Variants in OR4C16 observed in about 807,000 individuals in gnomAD.
OR4C16 encodes the protein olfactory receptor 4C16.
In OR4C16, 24 loss-of-function variants were observed where a neutral mutation model predicts 14.4. The observed-to-expected ratio is 1.66, with a 90% CI of 1.21 to 2.34. The LOEUF (loss-of-function observed/expected upper bound fraction) is 2.34, where lower values mean the gene tolerates loss of function less well. Among genes scored for constraint, OR4C16 ranks in the 30% most tolerant of loss-of-function variants. The probability of loss-of-function intolerance (pLI) is 0.00; values close to 1 mark genes in which losing one functional copy is unlikely to be tolerated. For missense variants in OR4C16, 674 were observed against 364.2 expected, an observed-to-expected ratio of 1.85 and a Z score of -6.92; for synonymous variants, 233 against 133.5, an observed-to-expected ratio of 1.75 and a Z score of -5.14.
chr11:55,572,659 G>T lies in OR4C16; in HGVS notation c.532G>T (p.Asp178Tyr). 2 of 1,614,136 alleles carry T rather than the reference G, an allele frequency of 1.2e-6. No homozygotes were observed. The highest frequency in any genetic ancestry group is 1.7e-6 in the Non-Finnish European group (2 of 1,180,012). ...CAATGTGATCAATCACTGTTTCTGT[G>T]ACTTGCAGCCCTTGTTGAAACAAGC... ...GPNVINHCFC[D>Y]LQPLLKQACS... is the part of the protein sequence containing the mutation. Residue 178 changes from aspartate to tyrosine, a missense_variant, in exon 1 of 1, where the codon GAC becomes TAC. Coordinates refer to ENST00000623907, the MANE Select transcript of OR4C16 (RefSeq NM_001004701.2).
At position 55,572,802 on chromosome 11, in the gene OR4C16, CCA is replaced by C; in HGVS notation, c.678_679del (p.His226GlnfsTer3). 1 of 1,614,094 alleles carries C rather than the reference CCA, an allele frequency of 6.2e-7. No individual in the cohort carries two copies. The highest frequency in any genetic ancestry group is 8.5e-7 in the Non-Finnish European group (1 of 1,179,958). ...TCATCTTCTTGCATTCTCTGAGAAA[CCA>C]CAGTGCTGAAGTGATAAAGAAAGCA... is the stretch of plus-strand genomic sequence containing the variant. ...YVIFLHSLRN[H>X]SAEVIKKALS... On this transcript the variant is annotated frameshift_variant, in exon 1 of 1. Transcript: ENST00000623907. LOFTEE classifies it high-confidence loss of function.
chr11:55,572,496 C>T lies in OR4C16; in HGVS notation c.369C>T (p.Asp123=), dbSNP rs765673419. 6.2e-7 allele frequency: 1 copy of T among 1,613,962 alleles called. No homozygotes were observed. The highest frequency in any genetic ancestry group is 2.2e-5 in the East Asian group (1 of 44,874). The part of the protein sequence containing the change: ...LILTAVDRYV[D]ICKPLHYMTI... ...TCACGGCTGTTGACCGCTATGTGGA[C>T]ATCTGTAAGCCCCTGCACTACATGA... The change falls in exon 1 of 1, where the codon GAC becomes GAT. Residue 123 remains aspartate, a synonymous_variant. Coordinates refer to ENST00000623907, the MANE Select transcript of OR4C16 (RefSeq NM_001004701.2).
Position 55,572,889 on chromosome 11 carries a change from T to G in OR4C16, c.762T>G (p.Phe254Leu). The change falls in exon 1 of 1, where the codon TTT becomes TTG. Residue 254 changes from phenylalanine (F) to leucine (L), a missense_variant. Coordinates refer to ENST00000623907, the MANE Select transcript of OR4C16 (RefSeq NM_001004701.2). ...TCTTGTTCTTTGGACCTTGCATATTTATGTACACATGCCTTGCAACCGTAT... is the reference window on the plus strand; with the variant it reads ...TCTTGTTCTTTGGACCTTGCATATTGATGTACACATGCCTTGCAACCGTAT... ...VVILFFGPCI[F>L]MYTCLATVFP... The G allele has an allele frequency of 1.9e-6, 3 of 1,613,988 alleles. No individual in the cohort carries two copies. The highest frequency in any genetic ancestry group is 2.5e-6 in the Non-Finnish European group (3 of 1,179,910).
chr11:55,572,506 C>A lies in OR4C16; in HGVS notation c.379C>A (p.Pro127Thr), dbSNP rs141407274. ...AVDRYVDICK[P>T]LHYMTIISQW... ...TGACCGCTATGTGGACATCTGTAAG[C>A]CCCTGCACTACATGACCATCATAAG... Residue 127 changes from proline (P) to threonine (T), a missense_variant, in exon 1 of 1, where the codon CCC (proline) becomes ACC (threonine). Transcript: ENST00000623907. 1.2e-6 allele frequency: 2 copies of A among 1,614,032 alleles called. No homozygotes were observed. The highest frequency in any genetic ancestry group is 2.7e-5 in the African/African-American group (2 of 75,028).
In OR4C16 at chr11:55,572,585, A is replaced by G. The variant is rs1384431473; in HGVS notation, c.458A>G (p.His153Arg). 1.2e-6 allele frequency: 2 copies of G among 1,613,908 alleles called. No homozygotes were observed. Among genetic ancestry groups the G allele is most frequent in the African/African-American group, 1.3e-5 (1 of 74,870 alleles). The part of the protein sequence containing the change: ...MAVAWVGSCV[H>R]SLVQIFLALS... ...GTGGCCTGGGTGGGATCCTGTGTGC[A>G]TTCTTTAGTTCAGATTTTTCTTGCC... is the stretch of plus-strand genomic sequence containing the variant. Residue 153 changes from histidine (H) to arginine (R), a missense_variant, in exon 1 of 1, where the codon CAT (histidine) becomes CGT (arginine). Physicochemically the swap from His to Arg is conservative, Grantham distance 29 (BLOSUM62 0). Transcript: ENST00000623907.
At position 55,572,878 on chromosome 11, in the gene OR4C16, C is replaced by A. The variant is rs1469131294; in HGVS notation, c.751C>A (p.Pro251Thr). ...CATTGTGGTCATCTTGTTCTTTGGACCTTGCATATTTATGTACACATGCCT... is the reference window on the plus strand; with the variant it reads ...CATTGTGGTCATCTTGTTCTTTGGAACTTGCATATTTATGTACACATGCCT... ...HIIVVILFFG[P>T]CIFMYTCLAT... Residue 251 changes from proline to threonine, a missense_variant, in exon 1 of 1, where the codon CCT becomes ACT. Pro to Thr is a conservative substitution (Grantham distance 38). Coordinates refer to ENST00000623907, the MANE Select transcript of OR4C16 (RefSeq NM_001004701.2). The A allele has an allele frequency of 3.7e-6, 6 of 1,613,836 alleles. No homozygotes were observed. Among genetic ancestry groups the A allele is most frequent in the Middle Eastern group, 3.3e-4 (2 of 6,060 alleles).
rs770968498 is a variant in OR4C16 at position 55,572,540 on chromosome 11, T to A, written c.413T>A (p.Val138Asp). ...TACATGACCATCATAAGCCAGTGGG[T>A]CTGTGGTGTTTTGATGGCTGTGGCC... is the stretch of plus-strand genomic sequence containing the variant. ...LHYMTIISQW[V>D]CGVLMAVAWV... Residue 138 changes from valine to aspartate, a missense_variant, in exon 1 of 1, where the codon GTC becomes GAC. Transcript: ENST00000623907. The A allele has an allele frequency of 1.9e-6, 3 of 1,613,886 alleles. No individual in the cohort carries two copies. In the Admixed American group the frequency reaches 5.0e-5, roughly 27 times the overall value.
Position 55,572,881 on chromosome 11 carries a change from T to A in OR4C16, c.754T>A (p.Cys252Ser). 1 of 1,613,938 alleles carries A rather than the reference T, an allele frequency of 6.2e-7. No individual in the cohort carries two copies. The highest frequency in any genetic ancestry group is 2.2e-5 in the East Asian group (1 of 44,876). Residue 252 changes from cysteine to serine, a missense_variant, in exon 1 of 1, where the codon TGC becomes AGC. Coordinates refer to ENST00000623907, the MANE Select transcript of OR4C16 (RefSeq NM_001004701.2). ...IIVVILFFGPCIFMYTCLATV... is the reference protein window; with the variant it reads ...IIVVILFFGPSIFMYTCLATV... ...TGTGGTCATCTTGTTCTTTGGACCT[T>A]GCATATTTATGTACACATGCCTTGC...
chr11:55,573,044 C>T lies in OR4C16; in HGVS notation c.917C>T (p.Thr306Ile). Residue 306 changes from threonine to isoleucine, a missense_variant, in exon 1 of 1, where the codon ACA becomes ATA. By Grantham distance (89) the Thr-to-Ile change is moderately conservative. Transcript: ENST00000623907. ...MRKLWSKKLITDDKR is the reference protein window; with the variant it reads ...MRKLWSKKLIIDDKR The stretch of plus-strand genomic sequence containing the variant: ...AAGCTTTGGAGCAAGAAATTGATCA[C>T]AGATGACAAAAGATAAATGAAGGTT... 6.4e-7 allele frequency: 1 copy of T among 1,551,578 alleles called. No individual in the cohort carries two copies. The highest frequency in any genetic ancestry group is 8.7e-7 in the Non-Finnish European group (1 of 1,147,848).
chr11:55,572,696 C>T lies in OR4C16; in HGVS notation c.569C>T (p.Thr190Ile). 1.2e-6 allele frequency: 2 copies of T among 1,613,800 alleles called. No individual in the cohort carries two copies. The highest frequency in any genetic ancestry group is 1.1e-5 in the South Asian group (1 of 91,040). The change falls in exon 1 of 1, where the codon ACC becomes ATC. Residue 190 changes from threonine (T) to isoleucine (I), a missense_variant. By Grantham distance (89) the Thr-to-Ile change is moderately conservative (BLOSUM62 -1). Coordinates refer to ENST00000623907, the MANE Select transcript of OR4C16 (RefSeq NM_001004701.2). ...QPLLKQACSE[T>I]YVVNLLLVSN... ...TTGTTGAAACAAGCCTGTTCAGAAA[C>T]CTATGTGGTTAACCTACTCCTGGTT...
Position 55,572,409 on chromosome 11 carries a change from G to A in OR4C16, c.282G>A (p.Glu94=), listed in dbSNP as rs778904564. Reference sequence around the variant, plus strand: ...AGAAGACAACTATCTCCTTCAGCGAGTGCATGATCCAAGTCTTTTCATCCC... The same window carrying A: ...AGAAGACAACTATCTCCTTCAGCGAATGCATGATCCAAGTCTTTTCATCCC... ...LLKKTTISFS[E]CMIQVFSSHV... The change falls in exon 1 of 1, where the codon GAG becomes GAA. Residue 94 remains glutamate (E), a synonymous_variant. Transcript: ENST00000623907. 6.2e-7 allele frequency: 1 copy of A among 1,613,902 alleles called. No individual in the cohort carries two copies. The highest frequency in any genetic ancestry group is 8.5e-7 in the Non-Finnish European group (1 of 1,180,022).
chr11:55,572,357 C>T lies in OR4C16; in HGVS notation c.230C>T (p.Pro77Leu). ...ACTTGCCTCTCTACTTCCATAACCC[C>T]TAGAATGATTGTGGATGCCCTTTTG... ...SDTCLSTSIT[P>L]RMIVDALLKK... The change falls in exon 1 of 1, where the codon CCT (proline) becomes CTT (leucine). Residue 77 changes from proline (P) to leucine (L), a missense_variant. Coordinates refer to ENST00000623907, the MANE Select transcript of OR4C16 (RefSeq NM_001004701.2). 3.7e-6 allele frequency: 6 copies of T among 1,613,556 alleles called. No individual in the cohort carries two copies. Among genetic ancestry groups the T allele is most frequent in the Non-Finnish European group, 5.1e-6 (6 of 1,179,516 alleles).
Position 55,572,199 on chromosome 11 carries a change from A to T in OR4C16, c.72A>T (p.Ile24=). 6.2e-7 allele frequency: 1 copy of T among 1,611,654 alleles called. No homozygotes were observed. The highest frequency in any genetic ancestry group is 1.3e-5 in the African/African-American group (1 of 74,888). Residue 24 remains isoleucine (I), a synonymous_variant, in exon 1 of 1, where the codon ATA becomes ATT. Transcript: ENST00000623907. The part of the protein sequence containing the change: ...GLTQDPFWKK[I]VFVIFLRLYL... Reference sequence around the variant, plus strand: ...CACAGGATCCTTTTTGGAAGAAAATAGTGTTTGTTATTTTTTTGCGTCTCT... The same window carrying T: ...CACAGGATCCTTTTTGGAAGAAAATTGTGTTTGTTATTTTTTTGCGTCTCT...
Position 55,572,512 on chromosome 11 carries a change from C to T in OR4C16, c.385C>T (p.His129Tyr), listed in dbSNP as rs1198860166. The change falls in exon 1 of 1, where the codon CAC becomes TAC. Residue 129 changes from histidine (H) to tyrosine (Y), a missense_variant. Physicochemically the swap from His to Tyr is moderately conservative, Grantham distance 83 (BLOSUM62 2). Transcript: ENST00000623907. ...DRYVDICKPL[H>Y]YMTIISQWVC... ...CTATGTGGACATCTGTAAGCCCCTG[C>T]ACTACATGACCATCATAAGCCAGTG... The T allele has an allele frequency of 2.5e-6, 4 of 1,614,030 alleles. No individual in the cohort carries two copies. The East Asian group carries it at 8.9e-5, about 36-fold the overall frequency.
Position 55,572,633 on chromosome 11 carries a change from C to T in OR4C16, c.506C>T (p.Pro169Leu). The T allele has an allele frequency of 1.2e-6, 2 of 1,614,098 alleles. No individual in the cohort carries two copies. Among genetic ancestry groups the T allele is most frequent in the Non-Finnish European group, 8.5e-7 (1 of 1,180,022 alleles). ...GCCCTGAGTTTGCCATTCTGTGGCC[C>T]CAATGTGATCAATCACTGTTTCTGT... ...FLALSLPFCG[P>L]NVINHCFCDL... Residue 169 changes from proline (P) to leucine (L), a missense_variant, in exon 1 of 1, where the codon CCC becomes CTC. Physicochemically the swap from Pro to Leu is moderately conservative, Grantham distance 98 (BLOSUM62 -3). Transcript: ENST00000623907.
Position 55,572,209 on chromosome 11 carries a change from AT to A in OR4C16, c.89del (p.Leu30CysfsTer13), listed in dbSNP as rs752324980. 6.2e-6 allele frequency: 10 copies of A among 1,610,698 alleles called. No individual in the cohort carries two copies. Among genetic ancestry groups the A allele is most frequent in the African/African-American group, 2.7e-5 (2 of 74,792 alleles). On this transcript the variant is annotated frameshift_variant, in exon 1 of 1. Transcript: ENST00000623907. LOFTEE classifies it high-confidence loss of function. ...DPFWKKIVFV[I>X]FLRLYLGTLL... ...TTTTTGGAAGAAAATAGTGTTTGTTATTTTTTTGCGTCTCTACTTGGGAACA... is the reference window on the plus strand; with the variant it reads ...TTTTTGGAAGAAAATAGTGTTTGTTATTTTTTGCGTCTCTACTTGGGAACA...
chr11:55,572,260 A>G lies in OR4C16; in HGVS notation c.133A>G (p.Ile45Val). The change falls in exon 1 of 1, where the codon ATT becomes GTT. Residue 45 changes from isoleucine to valine, a missense_variant. Transcript: ENST00000623907. The part of the protein sequence containing the change: ...GTLLGNLLII[I>V]SVKTSQALKN... ...ACTGTTGGGTAATTTGCTAATCATTATTAGTGTCAAGACCAGCCAGGCACT... is the reference window on the plus strand; with the variant it reads ...ACTGTTGGGTAATTTGCTAATCATTGTTAGTGTCAAGACCAGCCAGGCACT... 1 of 1,612,668 alleles carries G rather than the reference A, an allele frequency of 6.2e-7. No homozygotes were observed. The highest frequency in any genetic ancestry group is 8.5e-7 in the Non-Finnish European group (1 of 1,178,780).
Position 55,572,533 on chromosome 11 carries a change from C to A in OR4C16, c.406C>A (p.Gln136Lys). 1 of 1,614,036 alleles carries A rather than the reference C, an allele frequency of 6.2e-7. No homozygotes were observed. The highest frequency in any genetic ancestry group is 8.5e-7 in the Non-Finnish European group (1 of 1,179,996). Reference protein sequence around the residue: ...KPLHYMTIISQWVCGVLMAVA... With the variant: ...KPLHYMTIISKWVCGVLMAVA... ...CCTGCACTACATGACCATCATAAGC[C>A]AGTGGGTCTGTGGTGTTTTGATGGC... Residue 136 changes from glutamine to lysine, a missense_variant, in exon 1 of 1, where the codon CAG (glutamine) becomes AAG (lysine). Gln to Lys is a moderately conservative substitution (Grantham distance 53). Coordinates refer to ENST00000623907, the MANE Select transcript of OR4C16 (RefSeq NM_001004701.2).
In OR4C16 at chr11:55,572,817, G is replaced by A. The variant is rs1349709427; in HGVS notation, c.690G>A (p.Val230=). Residue 230 remains valine, a synonymous_variant, in exon 1 of 1, where the codon GTG becomes GTA. Transcript: ENST00000623907. The part of the protein sequence containing the change: ...LHSLRNHSAE[V]IKKALSTCVS... ...CTCTGAGAAACCACAGTGCTGAAGT[G>A]ATAAAGAAAGCACTTTCCACATGTG... 2.5e-6 allele frequency: 4 copies of A among 1,613,856 alleles called. No homozygotes were observed. In the African/African-American group the frequency reaches 5.3e-5, roughly 22 times the overall value.
Sources: allele counts gnomAD v4.1 joint callset, GRCh38; gene constraint gnomAD v4.1.1; transcripts MANE v1.5; gene names NCBI Gene and HGNC (gene_info 2026-07-23, HGNC 2026-07-21).